Variants in RHCG observed in about 807,000 individuals in gnomAD.
RHCG encodes the protein Rh family C glycoprotein.
A neutral mutation model predicts 55.3 loss-of-function variants in RHCG; 39 were observed. That is an observed-to-expected ratio of 0.70 (90% CI 0.55 to 0.92). RHCG has a LOEUF of 0.92. RHCG is among the 40% of genes least tolerant of loss of function. The probability of loss-of-function intolerance (pLI) is 0.00; values close to 1 mark genes in which losing one functional copy is unlikely to be tolerated. For synonymous variants in RHCG, 250 were observed against 246.8 expected (o/e 1.01, Z -0.12); for missense variants, 635 against 627.9 (o/e 1.01, Z -0.12).
At chr15:89,492,000 C>T (rs1961484496) in intron 1 of RHCG, among the ~76,000 whole-genome samples, 1 of 152,102 alleles carries the variant, frequency 6.6e-6, no homozygotes, top group Non-Finnish European at 1.5e-5. Flanking sequence ...TAGAAATTGC[C>T]CCATCATATA....
rs758185559 is a variant in RHCG, at chr15:89,477,170, C to G, written c.1149G>C (p.Gly383=). The change falls in exon 8 of 11, where the codon GGG becomes GGC. Residue 383 remains glycine (G), a synonymous_variant. Transcript: ENST00000268122. This position sits in a 1 kb window ranked among gnomAD's most constrained non-coding sequence, Gnocchi z 4.5. ...VHSFDFQGFN[G]DWTARTQGKF... ...TTCCCTGTGTTCTTGCGGTCCAGTCCCCGTTGAAACCTTGAAAGTCAAAGG... is the reference window on the plus strand; with the variant it reads ...TTCCCTGTGTTCTTGCGGTCCAGTCGCCGTTGAAACCTTGAAAGTCAAAGG... 6.2e-7 allele frequency: 1 copy of G among 1,613,952 alleles called. No individual in the cohort carries two copies. The highest frequency in any genetic ancestry group is 1.1e-5 in the South Asian group (1 of 91,052).
chr15:89,486,855 G>T lies in RHCG; in HGVS notation c.315C>A (p.Leu105=), dbSNP rs780688541. 1.2e-6 allele frequency: 2 copies of T among 1,611,352 alleles called. No individual in the cohort carries two copies. The highest frequency in any genetic ancestry group is 1.1e-5 in the South Asian group (1 of 90,948). ...LAAFGIQWAL[L]MQGWFHFLQD... is the part of the protein sequence containing the mutation. ...GTAAGAAGTGGAACCAGCCCTGCAT[G>T]AGCAGCGCCCACTGGATGCCGAAGG... The change falls in exon 2 of 11, where the codon CTC becomes CTA. Residue 105 remains leucine (L), a synonymous_variant. Transcript: ENST00000268122.
chr15:89,492,022 C>A (rs1961485239), intron 1 of RHCG, among the ~76,000 whole-genome samples: 1 of 152,120 alleles, frequency 6.6e-6, no homozygotes, highest in East Asian at 1.9e-4. Context: ...GTTATTATTT[C>A]TCTTTTCCTC....
chr15:89,496,445 A>C lies in RHCG; in HGVS notation c.100T>G (p.Phe34Val). ...ILFGVFVRYD[F>V]EADAHWWSER... The stretch of plus-strand genomic sequence containing the variant: ...GACCACCAGTGGGCGTCGGCCTCGA[A>C]GTCGTAGCGCACGAACACCCCGAAG... The change falls in exon 1 of 11, where the codon TTC becomes GTC. Residue 34 changes from phenylalanine to valine, a missense_variant. Physicochemically the swap from Phe to Val is conservative, Grantham distance 50 (BLOSUM62 -1). Transcript: ENST00000268122. 6.2e-7 allele frequency: 1 copy of C among 1,614,030 alleles called. No individual in the cohort carries two copies. Among genetic ancestry groups the C allele is most frequent in the East Asian group, 2.2e-5 (1 of 44,872 alleles).
intron 1 of RHCG, among the ~76,000 whole-genome samples, 169 bp downstream of exon 1, chr15:89,496,192 T>C (rs1467816341): frequency 1.3e-5 from 2 of 152,190 alleles, no homozygotes; most frequent in Non-Finnish European, 2.9e-5. Flanking sequence ...GAAAAGGAGT[T>C]TGTGCACATC....
chr15:89,473,179 C>T (rs77414462), intron 9 of RHCG, among the ~76,000 whole-genome samples: 2,408 of 152,304 alleles, frequency 0.016, 61 homozygotes, highest in African/African-American at 0.053. Context: ...GGCTTATAAC[C>T]CAGCCTGGGG....
At position 89,496,458 on chromosome 15, in the gene RHCG, G is replaced by A; in HGVS notation, c.87C>T (p.Phe29=). The A allele has an allele frequency of 6.2e-7, 1 of 1,613,988 alleles. No individual in the cohort carries two copies. Among genetic ancestry groups the A allele is most frequent in the African/African-American group, 1.3e-5 (1 of 75,056 alleles). Residue 29 remains phenylalanine (F), a synonymous_variant, in exon 1 of 11, where the codon TTC becomes TTT. Transcript: ENST00000268122. ...QVIMVILFGV[F]VRYDFEADAH... ...CGTCGGCCTCGAAGTCGTAGCGCAC[G>A]AACACCCCGAAGAGAATCACCATAA...
intron 1 of RHCG, among the ~76,000 whole-genome samples, chr15:89,492,107 C>G (rs752230467): frequency 6.6e-6 from 1 of 152,222 alleles, no homozygotes; most frequent in Non-Finnish European, 1.5e-5. Context: ...GTCTCCCTCC[C>G]CAGCTTTGGT....
intron 1 of RHCG, among the ~76,000 whole-genome samples, chr15:89,494,759 C>T (rs1345145072): frequency 6.6e-6 from 1 of 152,044 alleles, no homozygotes; most frequent in Non-Finnish European, 1.5e-5. Context: ...CCTCCCACCT[C>T]AGCCTCCCAA....
At chr15:89,488,014 A>G (rs1961405829) in intron 1 of RHCG, among the ~76,000 whole-genome samples, 2 of 152,230 alleles carry the variant, frequency 1.3e-5, no homozygotes, top group African/African-American at 4.8e-5. Context: ...CAACTCCAAG[A>G]AAATAACAGA....
intron 3 of RHCG, 72 bp downstream of exon 3, chr15:89,482,995 G>A: frequency 7.1e-7 from 1 of 1,417,336 alleles, no homozygotes; most frequent in Non-Finnish European, 9.5e-7. Flanking sequence ...CTCCCCAGCT[G>A]TCTATTTCTC....
chr15:89,495,570 T>C (rs1961551161), intron 1 of RHCG, among the ~76,000 whole-genome samples: 2 of 152,172 alleles, frequency 1.3e-5, no homozygotes, highest in South Asian at 4.1e-4. Flanking sequence ...GGGCTAGCTC[T>C]CCCTGCTCCT....
Position 89,480,526 on chromosome 15 carries a change from G to A in RHCG, c.523-118C>T, listed in dbSNP as rs745633691. ...CTCCAGCCTTCTCGGACTCTTCAGG[G>A]TGCAGGATGGAGCCTGGGGCCTTCA... On this transcript the variant is annotated intron_variant, in intron 3 of 10. Coordinates refer to ENST00000268122, the MANE Select transcript of RHCG (RefSeq NM_016321.3). 5.7e-6 allele frequency: 7 copies of A among 1,219,054 alleles called. No homozygotes were observed. The African/African-American group carries it at 9.1e-5, about 16-fold the overall frequency. 75.5% of individuals were successfully genotyped at this position (1,219,054 alleles called of 1,614,324 possible).
At chr15:89,476,988 G>T (rs1961162564) in intron 8 of RHCG, 94 bp downstream of exon 8, 2 of 1,577,958 alleles carry the variant, frequency 1.3e-6, no homozygotes, top group East Asian at 2.2e-5. Flanking sequence ...ATTCCTGGGG[G>T]CTCAGGCTGA....
intron 5 of RHCG, 48 bp from the exon 6 acceptor site, chr15:89,478,022 G>A (rs1180835869): frequency 6.4e-7 from 1 of 1,560,812 alleles, no homozygotes; most frequent in South Asian, 1.2e-5. Flanking sequence ...TCTCCCTGGA[G>A]CACCGGGCCT....
intron 9 of RHCG, among the ~76,000 whole-genome samples, chr15:89,474,929 C>T (rs1961111246): frequency 7.3e-6 from 1 of 137,750 alleles, no homozygotes. Context: ...TGCCTGCCTG[C>T]CTTCCTGCCT....
chr15:89,487,138 A>G (rs1469295616), intron 1 of RHCG, among the ~76,000 whole-genome samples, 153 bp from the exon 2 acceptor site: 1 of 149,854 alleles, frequency 6.7e-6, no homozygotes, highest in Non-Finnish European at 1.5e-5. Flanking sequence ...CCCCACCCCC[A>G]CCCCCACATC....
At chr15:89,482,372 A>G (rs554777760) in intron 3 of RHCG, among the ~76,000 whole-genome samples, 1 of 152,314 alleles carries the variant, frequency 6.6e-6, no homozygotes, top group East Asian at 1.9e-4. Flanking sequence ...CTGGTAGCTG[A>G]AAAAAATTAC....
chr15:89,486,593 A>AGTGTGTGT (rs1380658005), intron 2 of RHCG: 20 of 417,236 alleles, frequency 4.8e-5, no homozygotes, highest in East Asian at 1.8e-4. Context: ...AGAGAGAGAG[A>AGTGTGTGT]GAGAGAGTGT....
Sources: allele counts gnomAD v4.1 joint callset (sites outside exome capture counted in the v4.1 genomes callset), GRCh38; gene constraint gnomAD v4.1.1; non-coding constraint Gnocchi (gnomAD v3.1); transcripts MANE v1.5; gene names NCBI Gene and HGNC (gene_info 2026-07-23, HGNC 2026-07-21).